RGL1: variants seen among roughly 807,000 people sequenced by gnomAD.
RGL1 encodes ral guanine nucleotide dissociation stimulator like 1, also known as ral guanine nucleotide dissociation stimulator-like 1.
RGL1 carries 24 observed loss-of-function variants against 95.2 expected under a neutral mutation model. The observed-to-expected ratio is 0.25, with a 90% CI of 0.18 to 0.35. The LOEUF (loss-of-function observed/expected upper bound fraction) is 0.35. Among genes scored for constraint, RGL1 ranks in the 10% least tolerant of loss-of-function variants. The probability of loss-of-function intolerance (pLI) is 1.00; values close to 1 mark genes in which losing one functional copy is unlikely to be tolerated. For synonymous variants in RGL1, 329 were observed against 344.9 expected (o/e 0.95, Z 0.51); for missense variants, 715 against 936.3 (o/e 0.76, Z 3.08).
At chr1:183,910,422 T>A (rs1314816276) in intron 14 of RGL1, among the ~76,000 whole-genome samples, 1 of 152,242 alleles carries the variant, frequency 6.6e-6, no homozygotes, top group Non-Finnish European at 1.5e-5. Flanking sequence ...GAATTTCTTT[T>A]GTCTTTGATA....
intron 4 of RGL1, among the ~76,000 whole-genome samples, chr1:183,867,098 C>T (rs994490464): frequency 6.6e-6 from 1 of 152,150 alleles, no homozygotes; most frequent in Non-Finnish European, 1.5e-5. Context: ...GAAATTCAGT[C>T]ACAGACATAA....
intron 17 of RGL1, among the ~76,000 whole-genome samples, chr1:183,923,190 G>A (rs182851180): frequency 8.1e-4 from 123 of 152,266 alleles, no homozygotes; most frequent in African/African-American, 2.8e-3. Context: ...GTAGTCCTCT[G>A]CTCACCAACA....
rs1178267167 is a variant in RGL1 at position 183,838,807 on chromosome 1, AC to A, written c.139-8756del. ...GATAAACTGGCCCTCCAAAATAAAA[AC>A]CCTAATTTGTAGCATTGCTAATTTT... is the stretch of plus-strand genomic sequence containing the variant. On this transcript the variant is annotated intron_variant, in intron 2 of 17. Coordinates refer to ENST00000360851, the MANE Select transcript of RGL1 (RefSeq NM_001297671.3). Among the ~76,000 whole-genome samples, 3 of 152,182 alleles carry A rather than the reference AC, an allele frequency of 2.0e-5. No individual in the cohort carries two copies. In the East Asian group the frequency reaches 5.8e-4, roughly 29 times the overall value.
chr1:183,735,769 T>C (rs1656901779), intron 1 of RGL1, among the ~76,000 whole-genome samples: 1 of 152,226 alleles, frequency 6.6e-6, no homozygotes, highest in African/African-American at 2.4e-5. Context: ...GCTGTGGCTT[T>C]CTGGAGTCCT....
intron 2 of RGL1, among the ~76,000 whole-genome samples, chr1:183,832,635 G>A (rs1390814347): frequency 6.6e-6 from 1 of 151,730 alleles, no homozygotes; most frequent in Non-Finnish European, 1.5e-5. Flanking sequence ...ATGAGATAGT[G>A]TGGTTAAGTC....
chr1:183,800,492 C>T (rs756527430), upstream of RGL1, among the ~76,000 whole-genome samples: 15 of 152,128 alleles, frequency 9.9e-5, no homozygotes, highest in Non-Finnish European at 2.1e-4. Context: ...TATGGCAACA[C>T]AAAACTATTC....
chr1:183,686,361 G>T (rs1271717100), intron 1 of RGL1, among the ~76,000 whole-genome samples: 2 of 151,994 alleles, frequency 1.3e-5, no homozygotes, highest in Non-Finnish European at 1.5e-5. Context: ...TTTTCAGTTG[G>T]TCAGAGGTAG....
At chr1:183,660,320 G>A (rs146583687) in intron 1 of RGL1, among the ~76,000 whole-genome samples, 5,124 of 151,964 alleles carry the variant, frequency 0.034, 286 homozygotes, top group African/African-American at 0.12. Context: ...CCCATCTCAC[G>A]TGCAGAGACA....
chr1:183,788,955 T>C (rs958020404), intron 2 of RGL1, among the ~76,000 whole-genome samples: 1 of 152,244 alleles, frequency 6.6e-6, no homozygotes, highest in Admixed American at 6.5e-5. Flanking sequence ...TGATTAATTC[T>C]GCCTCATCTT....
chr1:183,821,909 C>A (rs554823177), intron 2 of RGL1, among the ~76,000 whole-genome samples: 2 of 152,102 alleles, frequency 1.3e-5, no homozygotes, highest in Non-Finnish European at 2.9e-5. Flanking sequence ...TCCTTGTGAC[C>A]CTCAGGTCCT....
intron 7 of RGL1, among the ~76,000 whole-genome samples, chr1:183,885,191 C>T (rs1572552741): frequency 6.6e-6 from 1 of 152,204 alleles, no homozygotes; most frequent in Non-Finnish European, 1.5e-5. Flanking sequence ...TCTCACACTG[C>T]TACCTCTCTA....
intron 1 of RGL1, among the ~76,000 whole-genome samples, chr1:183,697,591 G>C (rs1354996735): frequency 6.6e-6 from 1 of 152,174 alleles, no homozygotes; most frequent in Admixed American, 6.5e-5. Flanking sequence ...TGCACAAAAT[G>C]CTTCTTAAAT....
chr1:183,900,292 A>C (rs193054896), intron 11 of RGL1, 56 bp downstream of exon 11: 1 of 1,372,292 alleles, frequency 7.3e-7, no homozygotes, highest in Non-Finnish European at 1.0e-6. Flanking sequence ...TGGATACCCT[A>C]AAGAGTAGTT....
intron 1 of RGL1, among the ~76,000 whole-genome samples, chr1:183,650,032 C>T (rs904519871): frequency 3.3e-5 from 5 of 152,070 alleles, no homozygotes; most frequent in African/African-American, 1.2e-4. Flanking sequence ...ACACTGATCT[C>T]GAACTCCTGG....
At chr1:183,808,099 A>G (rs1480913420) in intron 2 of RGL1, among the ~76,000 whole-genome samples, 1 of 152,192 alleles carries the variant, frequency 6.6e-6, no homozygotes, top group Non-Finnish European at 1.5e-5. Context: ...TTTCAGCCAT[A>G]TACAACATTA....
intron 2 of RGL1, among the ~76,000 whole-genome samples, chr1:183,818,191 A>G (rs1468816034): frequency 6.6e-6 from 1 of 152,218 alleles, no homozygotes; most frequent in Non-Finnish European, 1.5e-5. Flanking sequence ...TTGTTACAGC[A>G]GCAGGGATGA....
chr1:183,701,663 G>T (rs1014983200), intron 1 of RGL1, among the ~76,000 whole-genome samples: 2 of 152,122 alleles, frequency 1.3e-5, no homozygotes, highest in African/African-American at 4.8e-5. Flanking sequence ...TATTGGCCGG[G>T]TGCAGTGGCT....
intron 2 of RGL1, among the ~76,000 whole-genome samples, chr1:183,744,664 G>A (rs1657512338): frequency 6.6e-6 from 1 of 151,974 alleles, no homozygotes; most frequent in African/African-American, 2.4e-5. Flanking sequence ...TTTTATATAA[G>A]CCTTGTACTG....
intron 3 of RGL1, among the ~76,000 whole-genome samples, chr1:183,864,781 T>C (rs143388597): frequency 6.6e-5 from 10 of 152,152 alleles, no homozygotes; most frequent in African/African-American, 2.4e-4. Context: ...AGCAGGTGGA[T>C]GGGTGAGCTG....
Sources: allele counts gnomAD v4.1 joint callset (sites outside exome capture counted in the v4.1 genomes callset), GRCh38; gene constraint gnomAD v4.1.1; transcripts MANE v1.5; gene names NCBI Gene and HGNC (gene_info 2026-07-23, HGNC 2026-07-21).